The following LIPA variants were observed in gnomAD, a reference collection of about 807,000 sequenced individuals.
LIPA encodes the protein lysosomal acid lipase/cholesteryl ester hydrolase.
LIPA carries 26 observed loss-of-function variants against 40.6 expected under a neutral mutation model. That is an observed-to-expected ratio of 0.64 (90% CI 0.47 to 0.89). The LOEUF is 0.89. LIPA is among the 40% of genes least tolerant of loss of function. The pLI is 0.00. For missense variants in LIPA, 455 were observed against 479.6 expected (o/e 0.95, Z 0.48); for synonymous variants, 188 against 168.4 (o/e 1.12, Z -0.90).
chr10:89,376,207 A>AAG (rs1554879593), intron 2 of LIPA, among the ~76,000 whole-genome samples: 4 of 150,878 alleles, frequency 2.7e-5, no homozygotes, highest in African/African-American at 7.3e-5. Context: ...AAAAAAAAAA[A>AAG]AAGAAGAAGA....
rs189522048 is a variant in LIPA, at chr10:89,319,196, A to T, written c.-2+23415T>A. ...ACACATTCAAAAGCTAGCAGAAGGC[A>T]AGAAATAACTAAGATCAGAGCAGAA... On this transcript the variant is annotated intron_variant, in intron 1 of 5. Coordinates refer to the LIPA transcript ENST00000282673. Among the ~76,000 whole-genome samples, 67 of 152,360 alleles carry T rather than the reference A, an allele frequency of 4.4e-4. No individual in the cohort carries two copies. The East Asian group carries it at 0.012, about 28-fold the overall frequency.
At chr10:89,389,370 C>CA (rs960658315) in intron 2 of LIPA, among the ~76,000 whole-genome samples, 1 of 152,026 alleles carries the variant, frequency 6.6e-6, no homozygotes, top group African/African-American at 2.4e-5. Flanking sequence ...CTATGATTAC[C>CA]AAAAAACAAG....
At chr10:89,412,259 A>C (rs1020908209) in intron 2 of LIPA, among the ~76,000 whole-genome samples, 3 of 152,166 alleles carry the variant, frequency 2.0e-5, no homozygotes, top group African/African-American at 7.2e-5. Context: ...GGACTCAGAG[A>C]ACTTTTCTGT....
intron 3 of LIPA, among the ~76,000 whole-genome samples, chr10:89,232,641 G>C (rs1194128724): frequency 6.6e-6 from 1 of 152,188 alleles, no homozygotes; most frequent in Non-Finnish European, 1.5e-5. Context: ...GAAGGAGGGT[G>C]ATATGTGGCA....
chr10:89,353,936 G>A (rs1366417257), intron 2 of LIPA, among the ~76,000 whole-genome samples: 2 of 151,070 alleles, frequency 1.3e-5, no homozygotes, highest in Admixed American at 6.6e-5. Flanking sequence ...ATGAGACTCC[G>A]TCTCAAAAAA....
intron 2 of LIPA, among the ~76,000 whole-genome samples, chr10:89,407,421 G>A (rs1438312454): frequency 2.6e-5 from 4 of 152,052 alleles, no homozygotes; most frequent in African/African-American, 9.7e-5. Context: ...ACCATCTTTA[G>A]GCACCCAGGC....
chr10:89,311,732 G>A (rs1589597709), intron 1 of LIPA, among the ~76,000 whole-genome samples: 1 of 152,158 alleles, frequency 6.6e-6, no homozygotes, highest in Admixed American at 6.5e-5. Flanking sequence ...ATGGAAAAGA[G>A]TTGATTTGTC....
At position 89,379,194 on chromosome 10, in the gene LIPA, T is replaced by C. The variant is rs187302031; in HGVS notation, c.61+33597A>G. Among the ~76,000 whole-genome samples the C allele has an allele frequency of 9.7e-4, 148 of 152,370 alleles. 2 individuals carry two copies. The highest frequency in any genetic ancestry group is 2.7e-3 in the Admixed American group (42 of 15,310). On this transcript the variant is annotated intron_variant, in intron 2 of 8. Coordinates refer to the LIPA transcript ENST00000371837. ...TGTGAAACTATGAAATTGTGATTAC[T>C]ATGAAATTTGCTTTTCACTGAATTA...
At chr10:89,264,671 G>C (rs1459467631) in intron 1 of LIPA, among the ~76,000 whole-genome samples, 1 of 152,218 alleles carries the variant, frequency 6.6e-6, no homozygotes. Context: ...GTCTGGCTGA[G>C]TCCTGGGTTT....
rs1026083070 is a variant in LIPA, at chr10:89,214,343, G to A, written c.*485C>T. 1 of 154,210 alleles carries A rather than the reference G, an allele frequency of 6.5e-6. No homozygotes were observed. The highest frequency in any genetic ancestry group is 1.4e-5 in the Non-Finnish European group (1 of 69,422). 9.6% of individuals were successfully genotyped at this position (154,210 alleles called of 1,614,324 possible). A position where few individuals can be genotyped will look rare whatever the true frequency, so the allele number is the denominator to read the frequency against. The stretch of plus-strand genomic sequence containing the variant: ...CTGCTGCAGGAAAACATGATAAAAT[G>A]TCATTTAGATCTCTAACTACAAGAC... On this transcript the variant is annotated 3_prime_UTR_variant, in exon 10 of 10. Transcript: ENST00000336233.
intron 1 of LIPA, among the ~76,000 whole-genome samples, chr10:89,250,209 C>T (rs1843099635): frequency 6.6e-6 from 1 of 150,942 alleles, no homozygotes; most frequent in Non-Finnish European, 1.5e-5. Context: ...AGGCCATTCT[C>T]CCGCCTCAGC....
At chr10:89,407,673 C>A (rs1007846365) in intron 2 of LIPA, among the ~76,000 whole-genome samples, 1 of 152,134 alleles carries the variant, frequency 6.6e-6, no homozygotes, top group African/African-American at 2.4e-5. Context: ...ATTTTTGGGG[C>A]ATAACATCTT....
At chr10:89,215,878 A>G (rs1487650317) in intron 9 of LIPA, 60 bp downstream of exon 9, 1 of 1,067,364 alleles carries the variant, frequency 9.4e-7, no homozygotes, top group Non-Finnish European at 1.5e-6. Context: ...CTGATAGGCC[A>G]GGCTGGCTTT....
At chr10:89,412,671 T>C (rs1017000521) in intron 2 of LIPA, 5 of 389,852 alleles carry the variant, frequency 1.3e-5, no homozygotes, top group South Asian at 3.8e-5. Context: ...CTGAAGTCAG[T>C]GAAACCACGA....
At chr10:89,369,010 G>T (rs1390379800) in intron 2 of LIPA, among the ~76,000 whole-genome samples, 3 of 151,994 alleles carry the variant, frequency 2.0e-5, no homozygotes, top group Non-Finnish European at 2.9e-5. Flanking sequence ...CTTTGGAGCT[G>T]CCAGGTGTCT....
intron 1 of LIPA, among the ~76,000 whole-genome samples, chr10:89,271,387 T>TC (rs1738107312): frequency 6.6e-6 from 1 of 152,224 alleles, no homozygotes; most frequent in Admixed American, 6.5e-5. Context: ...GGATTTACAT[T>TC]GATTTGTAGC....
chr10:89,328,205 T>G (rs1043325911), intron 1 of LIPA: 160 of 970,308 alleles, frequency 1.6e-4, no homozygotes, highest in Non-Finnish European at 2.4e-4. Context: ...TTTATCAGTC[T>G]GAGCATTTGT....
At chr10:89,282,278 A>C (rs1010286988) in intron 1 of LIPA, among the ~76,000 whole-genome samples, 4 of 152,204 alleles carry the variant, frequency 2.6e-5, no homozygotes, top group African/African-American at 9.6e-5. Context: ...CTAATATCAC[A>C]AACAGTTGGT....
chr10:89,400,973 G>C (rs1041999299), intron 2 of LIPA, among the ~76,000 whole-genome samples: 3 of 151,584 alleles, frequency 2.0e-5, no homozygotes, highest in Non-Finnish European at 4.4e-5. Context: ...TTTTCATAAA[G>C]GGTGTTGAAT....
Sources: allele counts gnomAD v4.1 joint callset (sites outside exome capture counted in the v4.1 genomes callset), GRCh38; gene constraint gnomAD v4.1.1; transcripts MANE v1.5; gene names NCBI Gene and HGNC (gene_info 2026-07-23, HGNC 2026-07-21).